The following TRIM4 variants were observed in gnomAD, a reference collection of about 807,000 sequenced individuals.
TRIM4 encodes tripartite motif containing 4, also known as E3 ubiquitin-protein ligase TRIM4.
TRIM4 carries 29 observed loss-of-function variants against 33.7 expected under a neutral mutation model. That is an observed-to-expected ratio of 0.86 (90% CI 0.64 to 1.17). The LOEUF (loss-of-function observed/expected upper bound fraction) is 1.17. Ranked by LOEUF, TRIM4 falls within the 50% of genes most tolerant of loss-of-function variation. The probability of loss-of-function intolerance (pLI) is 0.00; values close to 1 mark genes in which losing one functional copy is unlikely to be tolerated. For synonymous variants in TRIM4, 224 were observed against 233.0 expected, an observed-to-expected ratio of 0.96 and a Z score of 0.35; for missense variants, 554 against 593.7, an observed-to-expected ratio of 0.93 and a Z score of 0.69.
chr7:99,902,597 CT>C (rs1281858264), intron 5 of TRIM4, among the ~76,000 whole-genome samples: 2 of 152,154 alleles, frequency 1.3e-5, no homozygotes, highest in Non-Finnish European at 2.9e-5. Flanking sequence ...ACCAGCACAG[CT>C]TCTAGAGCAT....
intron 5 of TRIM4, among the ~76,000 whole-genome samples, chr7:99,898,662 AAC>A (rs1382349888): frequency 6.6e-6 from 1 of 152,178 alleles, no homozygotes; most frequent in Admixed American, 6.5e-5. Flanking sequence ...GACCTCGCTA[AAC>A]ATATGGCTGC....
At chr7:99,913,670 C>G (rs1159509775) in intron 1 of TRIM4, among the ~76,000 whole-genome samples, 2 of 148,546 alleles carry the variant, frequency 1.3e-5, no homozygotes, top group African/African-American at 4.9e-5. Flanking sequence ...GACTCCATCT[C>G]AAATAAATAA....
intron 5 of TRIM4, among the ~76,000 whole-genome samples, chr7:99,900,127 T>C (rs1039790583): frequency 3.9e-5 from 6 of 152,180 alleles, no homozygotes; most frequent in African/African-American, 1.4e-4. Context: ...TGTGTGATTA[T>C]TGCTACTGAC....
rs748343437 is a variant in TRIM4 at position 99,919,370 on chromosome 7, G to A, written c.32C>T (p.Thr11Ile). ...GAAATAGTCCAGGCAGATGGGGCAG[G>A]TCAACTCCTCCTGGATGTCCTCAGC... MEAEDIQEEL[T>I]CPICLDYFQD... is the part of the protein sequence containing the mutation. The change falls in exon 1 of 6, where the codon ACC (threonine) becomes ATC (isoleucine). Residue 11 changes from threonine (T) to isoleucine (I), a missense_variant. Transcript: ENST00000349062. 4.4e-6 allele frequency: 7 copies of A among 1,577,116 alleles called. No individual in the cohort carries two copies. The highest frequency in any genetic ancestry group is 1.8e-5 in the Admixed American group (1 of 55,932).
chr7:99,893,092 T>C (rs1170465259), intron 5 of TRIM4, among the ~76,000 whole-genome samples: 1 of 151,668 alleles, frequency 6.6e-6, no homozygotes, highest in Admixed American at 6.6e-5. Flanking sequence ...CTACTGAAAA[T>C]ACCAAAAAAC....
At chr7:99,918,128 G>C (rs890174947) in intron 1 of TRIM4, among the ~76,000 whole-genome samples, 4 of 152,184 alleles carry the variant, frequency 2.6e-5, no homozygotes, top group Admixed American at 1.3e-4. Context: ...AGCTGTCTAT[G>C]ACATTTACAG....
intron 5 of TRIM4, among the ~76,000 whole-genome samples, chr7:99,895,007 A>G (rs531081329): frequency 2.0e-5 from 3 of 152,184 alleles, no homozygotes; most frequent in Non-Finnish European, 4.4e-5. Context: ...GAAATTCTCA[A>G]AGGACCAGCT....
chr7:99,906,745 T>G (rs1156635717), intron 3 of TRIM4, among the ~76,000 whole-genome samples: 1 of 151,548 alleles, frequency 6.6e-6, no homozygotes, highest in East Asian at 1.9e-4. Context: ...CTTTGGGAGA[T>G]CAAGGCAGGA....
chr7:99,898,157 C>T (rs1401014194), intron 5 of TRIM4, among the ~76,000 whole-genome samples: 1 of 152,222 alleles, frequency 6.6e-6, no homozygotes, highest in Non-Finnish European at 1.5e-5. Flanking sequence ...TTATGCAGTG[C>T]GTTTCCCACC....
intron 5 of TRIM4, chr7:99,902,167 T>A (rs758248623): frequency 1.2e-4 from 93 of 764,998 alleles, no homozygotes; most frequent in Non-Finnish European, 9.6e-5. Context: ...GTGTTTTTAT[T>A]TTAGTTGCTG....
chr7:99,900,146 ATC>A (rs1819125099), intron 5 of TRIM4, among the ~76,000 whole-genome samples: 1 of 152,186 alleles, frequency 6.6e-6, no homozygotes, highest in Non-Finnish European at 1.5e-5. Flanking sequence ...ACAAGTCCGA[ATC>A]TGCTGTGTGA....
chr7:99,897,268 C>G (rs1819039277), intron 5 of TRIM4, among the ~76,000 whole-genome samples: 1 of 152,072 alleles, frequency 6.6e-6, no homozygotes, highest in African/African-American at 2.4e-5. Flanking sequence ...AGAGGGTAGC[C>G]CTACAAGACT....
At chr7:99,901,863 G>C (rs1819178074) in intron 5 of TRIM4, 1 of 505,844 alleles carries the variant, frequency 2.0e-6, no homozygotes, top group Admixed American at 3.6e-5. Context: ...TAGATGGCGA[G>C]GGTTCTCTCT....
chr7:99,903,380 C>A, intron 4 of TRIM4, 65 bp from the exon 5 acceptor site: 1 of 1,414,110 alleles, frequency 7.1e-7, no homozygotes, highest in South Asian at 1.2e-5. Flanking sequence ...CACTCCCGGT[C>A]AAAGGTTCTT....
In TRIM4 at chr7:99,892,103, G is replaced by A. The variant is rs543370717; in HGVS notation, c.*60C>T. 43 of 1,428,070 alleles carry A rather than the reference G, an allele frequency of 3.0e-5. 1 individual carries two copies. In the African/African-American group the frequency reaches 5.2e-4, roughly 17 times the overall value. The allele number at this position is 1,428,070 out of a possible 1,614,324, so 88.5% of individuals were successfully genotyped here. A position where few individuals can be genotyped will look rare whatever the true frequency, so the allele number is the denominator to read the frequency against. On this transcript the variant is annotated 3_prime_UTR_variant, in exon 6 of 6. Transcript: ENST00000349062. ...GACATGAAGGGCAGAAGAGGGCCCA[G>A]GGATGTGTGTCCCTCAGCTGGACTA... is the stretch of plus-strand genomic sequence containing the variant.
intron 5 of TRIM4, among the ~76,000 whole-genome samples, chr7:99,897,118 C>G (rs1819033462): frequency 6.6e-6 from 1 of 152,206 alleles, no homozygotes; most frequent in African/African-American, 2.4e-5. Flanking sequence ...CTAAATTGTC[C>G]TGGAACCCTA....
chr7:99,915,153 CT>C (rs1819527117), intron 1 of TRIM4, among the ~76,000 whole-genome samples: 1 of 152,140 alleles, frequency 6.6e-6, no homozygotes. Context: ...CCATCACCAT[CT>C]GTGATTATTT....
At chr7:99,906,598 A>T (rs1819311226) in intron 3 of TRIM4, among the ~76,000 whole-genome samples, 1 of 152,242 alleles carries the variant, frequency 6.6e-6, no homozygotes, top group Non-Finnish European at 1.5e-5. Flanking sequence ...TAAATTTACC[A>T]GCAAACAAAG....
rs1310041023 is a variant in TRIM4, at chr7:99,919,343, T to A, written c.59A>T (p.Gln20Leu). The A allele has an allele frequency of 1.3e-6, 2 of 1,581,834 alleles. No homozygotes were observed. Among genetic ancestry groups the A allele is most frequent in the Admixed American group, 1.8e-5 (1 of 56,112 alleles). The change falls in exon 1 of 6, where the codon CAG becomes CTG. Residue 20 changes from glutamine to leucine, a missense_variant. Physicochemically the swap from Gln to Leu is moderately radical, Grantham distance 113 (BLOSUM62 -2). This residue lies in a region of TRIM4 where 233 missense variants were observed against 203.1 expected (regional missense o/e 1.15). Coordinates refer to ENST00000349062, the MANE Select transcript of TRIM4 (RefSeq NM_033091.3). Reference sequence around the variant, plus strand: ...GCCGCACTCGATGGACACCGGGTCCTGGAAATAGTCCAGGCAGATGGGGCA... The same window carrying A: ...GCCGCACTCGATGGACACCGGGTCCAGGAAATAGTCCAGGCAGATGGGGCA... Reference protein sequence around the residue: ...LTCPICLDYFQDPVSIECGHN... With the variant: ...LTCPICLDYFLDPVSIECGHN...
Sources: gnomAD v4.1 joint callset for allele counts (sites outside exome capture counted in the v4.1 genomes callset) on GRCh38, gnomAD v4.1.1 for gene constraint, gnomAD v4.1.1 regional missense constraint, MANE v1.5 for transcripts, NCBI Gene and HGNC (gene_info 2026-07-23, HGNC 2026-07-21) for gene names.